Variants in CACNA1D observed in about 807,000 individuals in gnomAD.
CACNA1D encodes calcium voltage-gated channel subunit alpha1 D, also known as voltage-dependent L-type calcium channel subunit alpha-1D.
A neutral mutation model predicts 257.1 loss-of-function variants in CACNA1D; 55 were observed. That is an observed-to-expected ratio of 0.21 (90% CI 0.17 to 0.27). CACNA1D has a LOEUF of 0.27. Ranked by LOEUF, CACNA1D falls within the 10% of genes least tolerant of loss-of-function variation. The pLI is 1.00. For missense variants in CACNA1D, 1,876 were observed against 2,784.0 expected (o/e 0.67, Z 7.34); for synonymous variants, 980 against 1,014.9 (o/e 0.97, Z 0.65).
chr3:53,747,429 A>C lies in CACNA1D; in HGVS notation c.3295A>C (p.Thr1099Pro). The C allele has an allele frequency of 1.2e-6, 2 of 1,614,158 alleles. No homozygotes were observed. Among genetic ancestry groups the C allele is most frequent in the Non-Finnish European group, 1.7e-6 (2 of 1,180,028 alleles). The change falls in exon 26 of 48, where the codon ACG becomes CCG. Residue 1099 changes from threonine to proline, a missense_variant. Physicochemically the swap from Thr to Pro is conservative, Grantham distance 38 (BLOSUM62 -1). Transcript: ENST00000350061. Reference sequence around the variant, plus strand: ...TATGATGGCGCTCTTCACAGTCTCCACGTTTGAGGGCTGGCCTGCGTAAGT... The same window carrying C: ...TATGATGGCGCTCTTCACAGTCTCCCCGTTTGAGGGCTGGCCTGCGTAAGT... ...SAMMALFTVSTFEGWPALLYK... is the reference protein window; with the variant it reads ...SAMMALFTVSPFEGWPALLYK...
At chr3:53,676,640 T>A (rs1365234594) in intron 8 of CACNA1D, among the ~76,000 whole-genome samples, 1 of 152,246 alleles carries the variant, frequency 6.6e-6, no homozygotes, top group Non-Finnish European at 1.5e-5. Context: ...CATTTGGAAA[T>A]ACCTGTATCT....
intron 3 of CACNA1D, among the ~76,000 whole-genome samples, chr3:53,626,308 TA>T (rs2093757964): frequency 1.3e-5 from 2 of 152,144 alleles, no homozygotes; most frequent in African/African-American, 4.8e-5. Flanking sequence ...GATCTGGAAA[TA>T]GCTGAGAACT....
chr3:53,790,651 C>A (rs1292989719), intron 40 of CACNA1D, among the ~76,000 whole-genome samples: 4 of 152,204 alleles, frequency 2.6e-5, no homozygotes, highest in Non-Finnish European at 5.9e-5. Flanking sequence ...GTTGGCGATG[C>A]AGGTGGTTGA....
At chr3:53,797,395 A>C (rs1429089871) in intron 40 of CACNA1D, among the ~76,000 whole-genome samples, 1 of 152,140 alleles carries the variant, frequency 6.6e-6, no homozygotes, top group African/African-American at 2.4e-5. Flanking sequence ...GACTCTTATG[A>C]GGTCTGTTTT....
At chr3:53,752,569 T>C (rs151109717) in intron 28 of CACNA1D, among the ~76,000 whole-genome samples, 103 of 152,262 alleles carry the variant, frequency 6.8e-4, no homozygotes, top group African/African-American at 2.4e-3. Flanking sequence ...CCAGCTAATT[T>C]TGTATTTTTA....
intron 9 of CACNA1D, among the ~76,000 whole-genome samples, chr3:53,714,438 G>A (rs1179849613): frequency 6.6e-6 from 1 of 152,198 alleles, no homozygotes; most frequent in African/African-American, 2.4e-5. Context: ...ACCTTCATGA[G>A]TTTGTATGAC....
intron 3 of CACNA1D, among the ~76,000 whole-genome samples, chr3:53,559,618 A>G (rs993426913): frequency 2.6e-5 from 4 of 152,176 alleles, no homozygotes; most frequent in African/African-American, 9.7e-5. Flanking sequence ...CTGGGCAATG[A>G]TATCCTAAAG....
intron 37 of CACNA1D, among the ~76,000 whole-genome samples, chr3:53,777,866 A>G (rs1313547711): frequency 6.6e-6 from 1 of 152,236 alleles, no homozygotes; most frequent in Non-Finnish European, 1.5e-5. Context: ...GCGACAAAAA[A>G]GATTTTCCTT....
chr3:53,687,551 A>G (rs985765375), intron 8 of CACNA1D, among the ~76,000 whole-genome samples: 30 of 152,146 alleles, frequency 2.0e-4, no homozygotes, highest in African/African-American at 7.2e-4. Context: ...GAAACTGGGT[A>G]TCTGCAAAAA....
chr3:53,618,165 C>A (rs1324146563), intron 3 of CACNA1D, among the ~76,000 whole-genome samples: 1 of 152,196 alleles, frequency 6.6e-6, no homozygotes, highest in African/African-American at 2.4e-5. Flanking sequence ...CAGCTCCTAG[C>A]AGCTGCACAG....
At position 53,723,921 on chromosome 3, in the gene CACNA1D, C is replaced by G. The variant is rs574489819; in HGVS notation, c.2022C>G (p.Gly674=). ...TGCTTGGGATGCAGCTGTTTGGCGG[C>G]AAGTTTAATTTTGATGAAACGCAAA... ...FSLLGMQLFG[G]KFNFDETQTK... is the part of the protein sequence containing the mutation. The change falls in exon 14 of 48, where the codon GGC becomes GGG. Residue 674 remains glycine, a synonymous_variant. Transcript: ENST00000350061. The surrounding 1 kb of genome is among the most constrained non-coding windows in gnomAD (Gnocchi z 5.6). 70 of 1,614,130 alleles carry G rather than the reference C, an allele frequency of 4.3e-5. No individual in the cohort carries two copies. The East Asian group carries it at 1.5e-3, about 34-fold the overall frequency.
At chr3:53,526,462 C>T (rs13319813) in intron 3 of CACNA1D, among the ~76,000 whole-genome samples, 2,893 of 152,288 alleles carry the variant, frequency 0.019, 101 homozygotes, top group African/African-American at 0.065. Context: ...GATTTAGACA[C>T]CAAATCTTGT....
chr3:53,561,260 G>A (rs943807988), intron 3 of CACNA1D, among the ~76,000 whole-genome samples: 7 of 152,104 alleles, frequency 4.6e-5, no homozygotes, highest in African/African-American at 1.7e-4. Flanking sequence ...GTACAAAAAA[G>A]CCATGTCAAT....
chr3:53,571,685 G>A (rs114987861), intron 3 of CACNA1D, among the ~76,000 whole-genome samples: 2,852 of 152,218 alleles, frequency 0.019, 47 homozygotes, highest in Non-Finnish European at 0.028. Context: ...AAACCTGCAG[G>A]TGTGTCAGTT....
At chr3:53,616,079 C>A (rs1022728455) in intron 3 of CACNA1D, among the ~76,000 whole-genome samples, 3 of 152,180 alleles carry the variant, frequency 2.0e-5, no homozygotes, top group Non-Finnish European at 4.4e-5. Context: ...GGGAAACTTT[C>A]CCCTTCTAAA....
intron 10 of CACNA1D, 106 bp downstream of exon 10, chr3:53,718,494 G>C (rs1197055669): frequency 8.7e-7 from 1 of 1,155,052 alleles, no homozygotes; most frequent in African/African-American, 1.5e-5. Flanking sequence ...CATCGCCTTG[G>C]GTGTGGCGGG....
In CACNA1D at chr3:53,739,581, A is replaced by G. The variant is rs142902515; in HGVS notation, c.2752-699A>G. 8.9e-4 allele frequency among the ~76,000 whole-genome samples: 135 copies of G among 152,242 alleles called. 2 individuals carry two copies. Among genetic ancestry groups the G allele is most frequent in the East Asian group, 7.3e-3 (38 of 5,188 alleles). Reference sequence around the variant, plus strand: ...TGCCTGGACTGAAAATTCAAAGACCAAGTCAGTCTGTTATTTGAGTGGGCC... The same window carrying G: ...TGCCTGGACTGAAAATTCAAAGACCGAGTCAGTCTGTTATTTGAGTGGGCC... On this transcript the variant is annotated intron_variant, in intron 20 of 47. Transcript: ENST00000350061.
rs377640389 is a variant in CACNA1D at position 53,745,626 on chromosome 3, C to A, written c.3009C>A (p.His1003Gln). The A allele has an allele frequency of 1.2e-6, 2 of 1,608,062 alleles. No individual in the cohort carries two copies. The highest frequency in any genetic ancestry group is 1.7e-6 in the Non-Finnish European group (2 of 1,174,544). ...ACGCCCCTCTGCCCTCTCCGCAGCA[C>A]GTGGTCCAGTGCGTCTTCGTGGCCA... ...RAINRAKGLK[H>Q]VVQCVFVAIR... is the part of the protein sequence containing the mutation. The change falls in exon 24 of 48, where the codon CAC becomes CAA. Residue 1003 changes from histidine to glutamine, a missense_variant and splice_region_variant. Coordinates refer to ENST00000350061, the MANE Select transcript of CACNA1D (RefSeq NM_001128840.3).
At chr3:53,790,212 A>G (rs2109136791) in intron 40 of CACNA1D, among the ~76,000 whole-genome samples, 1 of 152,338 alleles carries the variant, frequency 6.6e-6, no homozygotes, top group South Asian at 2.1e-4. Context: ...AGGGGCAAAT[A>G]AATAAAGGAA....
Sources: gnomAD v4.1 joint callset for allele counts (sites outside exome capture counted in the v4.1 genomes callset) on GRCh38, gnomAD v4.1.1 for gene constraint, Gnocchi (gnomAD v3.1) non-coding constraint, MANE v1.5 for transcripts, NCBI Gene and HGNC (gene_info 2026-07-23, HGNC 2026-07-21) for gene names.